The following TAOK3 variants were observed in gnomAD, a reference collection of about 807,000 sequenced individuals.
TAOK3 encodes the protein serine/threonine-protein kinase TAO3.
In TAOK3, 40 loss-of-function variants were observed where a neutral mutation model predicts 120.4. That is an observed-to-expected ratio of 0.33 (90% CI 0.26 to 0.43). The LOEUF is 0.43. Among genes scored for constraint, TAOK3 ranks in the 20% least tolerant of loss-of-function variants. TAOK3 has a pLI of 1.00. For missense variants in TAOK3, 821 were observed against 1,112.1 expected (o/e 0.74, Z 3.72); for synonymous variants, 355 against 387.5 (o/e 0.92, Z 0.99).
intron 7 of TAOK3, chr12:118,236,614 T>A (rs1298576230): frequency 6.6e-6 from 1 of 152,116 alleles, no homozygotes; most frequent in Non-Finnish European, 1.5e-5. Flanking sequence ...GTTCAAATGC[T>A]TCAAAATAAC....
chr12:118,253,803 C>T (rs2040862744), intron 3 of TAOK3, among the ~76,000 whole-genome samples: 1 of 151,072 alleles, frequency 6.6e-6, no homozygotes, highest in Admixed American at 6.6e-5. Flanking sequence ...CCTGTAATCC[C>T]ACCACTTTGG....
intron 9 of TAOK3, among the ~76,000 whole-genome samples, chr12:118,228,483 G>T (rs2039614764): frequency 6.6e-6 from 1 of 152,020 alleles, no homozygotes; most frequent in African/African-American, 2.4e-5. Flanking sequence ...ATATATAAAA[G>T]AACTTATAAA....
At chr12:118,234,833 T>G (rs1471226245) in intron 8 of TAOK3, among the ~76,000 whole-genome samples, 1 of 152,228 alleles carries the variant, frequency 6.6e-6, no homozygotes, top group African/African-American at 2.4e-5. Context: ...GGATGTTACT[T>G]TACTTGTTTG....
chr12:118,177,834 A>AAAAAAG (rs1180461380), intron 15 of TAOK3, among the ~76,000 whole-genome samples: 4 of 152,214 alleles, frequency 2.6e-5, no homozygotes, highest in Admixed American at 6.5e-5. Context: ...AAAAAAAGAA[A>AAAAAAG]AAAAAGAAAA....
At chr12:118,223,834 T>C (rs2139683641) in intron 9 of TAOK3, among the ~76,000 whole-genome samples, 1 of 152,152 alleles carries the variant, frequency 6.6e-6, no homozygotes, top group East Asian at 1.9e-4. Flanking sequence ...GAGACAGGGT[T>C]TTGCCATGTT....
chr12:118,220,145 C>T (rs1018930325), intron 9 of TAOK3, among the ~76,000 whole-genome samples: 2 of 151,720 alleles, frequency 1.3e-5, no homozygotes, highest in African/African-American at 4.8e-5. Flanking sequence ...CAGGCTCAGG[C>T]GATCCTCCCA....
intron 13 of TAOK3, chr12:118,198,716 C>A: frequency 3.1e-6 from 1 of 318,816 alleles, no homozygotes; most frequent in African/African-American, 2.1e-5. Context: ...GAGCATACTT[C>A]TAAAAGGGCA....
At chr12:118,279,620 G>A (rs1290758503) in intron 1 of TAOK3, among the ~76,000 whole-genome samples, 1 of 139,164 alleles carries the variant, frequency 7.2e-6, no homozygotes, top group Non-Finnish European at 1.5e-5. Context: ...GTCTCACTCT[G>A]TCACCCAGGC....
intron 1 of TAOK3, among the ~76,000 whole-genome samples, chr12:118,362,787 G>A (rs146105615): frequency 1.3e-5 from 2 of 152,232 alleles, no homozygotes; most frequent in East Asian, 3.9e-4. Context: ...GAAGGCCAAG[G>A]TAGATGGATC....
At chr12:118,154,845 T>C (rs2034695901) in intron 19 of TAOK3, among the ~76,000 whole-genome samples, 1 of 152,140 alleles carries the variant, frequency 6.6e-6, no homozygotes, top group Non-Finnish European at 1.5e-5. Context: ...CAGCCAAGCA[T>C]ACAGGCGCAC....
At chr12:118,274,354 T>G (rs567727037) in intron 1 of TAOK3, among the ~76,000 whole-genome samples, 2 of 152,290 alleles carry the variant, frequency 1.3e-5, no homozygotes, top group East Asian at 3.9e-4. Context: ...AGTGATCATC[T>G]AATTTCTACG....
At chr12:118,166,003 C>A (rs895361606) in intron 17 of TAOK3, among the ~76,000 whole-genome samples, 2 of 152,116 alleles carry the variant, frequency 1.3e-5, no homozygotes, top group African/African-American at 2.4e-5. Context: ...ATTATGAGGC[C>A]AGTGCTGTGC....
chr12:118,156,221 C>A (rs2034812015), intron 19 of TAOK3, among the ~76,000 whole-genome samples: 1 of 152,174 alleles, frequency 6.6e-6, no homozygotes, highest in Non-Finnish European at 1.5e-5. Flanking sequence ...TAACCCTCTA[C>A]TTCTACCGCT....
intron 1 of TAOK3, among the ~76,000 whole-genome samples, chr12:118,294,312 T>C (rs986090540): frequency 6.6e-6 from 1 of 152,054 alleles, no homozygotes; most frequent in Non-Finnish European, 1.5e-5. Context: ...TCCAAATCTA[T>C]CTCCTAGGCA....
chr12:118,174,046 T>C (rs908069956), intron 16 of TAOK3, among the ~76,000 whole-genome samples: 4 of 152,192 alleles, frequency 2.6e-5, no homozygotes, highest in African/African-American at 9.7e-5. Context: ...GGGTCATTCA[T>C]CTCTTCATGC....
rs994988458 is a variant in TAOK3, at chr12:118,235,641, T to G, written c.468A>C (p.Thr156=). 1.2e-6 allele frequency: 2 copies of G among 1,613,296 alleles called. No individual in the cohort carries two copies. Among genetic ancestry groups the G allele is most frequent in the Non-Finnish European group, 1.7e-6 (2 of 1,179,736 alleles). The change falls in exon 8 of 21, where the codon ACA becomes ACC. Residue 156 remains threonine (T), a synonymous_variant. Coordinates refer to ENST00000392533, the MANE Select transcript of TAOK3 (RefSeq NM_016281.4). The part of the protein sequence containing the change: ...RDIKAGNILL[T]EPGQVKLADF... ...CAGCTAGTTTTACCTGACCTGGCTCTGTTAGAAGAATATTTCCTGCTTTAA... is the reference window on the plus strand; with the variant it reads ...CAGCTAGTTTTACCTGACCTGGCTCGGTTAGAAGAATATTTCCTGCTTTAA...
intron 1 of TAOK3, among the ~76,000 whole-genome samples, chr12:118,313,681 T>C (rs1358425141): frequency 1.3e-5 from 2 of 152,206 alleles, no homozygotes; most frequent in African/African-American, 2.4e-5. Flanking sequence ...ATCAGACACT[T>C]GAATAGTAAG....
intron 1 of TAOK3, among the ~76,000 whole-genome samples, chr12:118,344,649 G>A (rs567613082): frequency 2.6e-5 from 4 of 151,994 alleles, no homozygotes; most frequent in Admixed American, 6.6e-5. Context: ...TATTTGAAAC[G>A]AATGGGAAAA....
intron 1 of TAOK3, among the ~76,000 whole-genome samples, chr12:118,274,893 G>A (rs1593377857): frequency 6.6e-6 from 1 of 151,792 alleles, no homozygotes; most frequent in Non-Finnish European, 1.5e-5. Flanking sequence ...ACAGGCGTAA[G>A]CCACCACGCC....
Sources: allele counts gnomAD v4.1 joint callset (sites outside exome capture counted in the v4.1 genomes callset), GRCh38; gene constraint gnomAD v4.1.1; transcripts MANE v1.5; gene names NCBI Gene and HGNC (gene_info 2026-07-23, HGNC 2026-07-21).